PRUNE2: variants seen among roughly 807,000 people sequenced by gnomAD.
PRUNE2 encodes the protein prune homolog 2 with BCH domain.
PRUNE2 carries 164 observed loss-of-function variants against 252.0 expected under a neutral mutation model. That is an observed-to-expected ratio of 0.65 (90% CI 0.57 to 0.74). The LOEUF is 0.74. PRUNE2 is among the 30% of genes least tolerant of loss of function. PRUNE2 has a pLI of 0.00. For missense variants in PRUNE2, 3,495 were observed against 3,711.0 expected (o/e 0.94, Z 1.51); for synonymous variants, 1,292 against 1,350.2 (o/e 0.96, Z 0.94).
chr9:76,685,512 T>C (rs1200969508), intron 9 of PRUNE2, among the ~76,000 whole-genome samples: 1 of 152,122 alleles, frequency 6.6e-6, no homozygotes. Context: ...TTTGCAGAAG[T>C]AATTAAGTGA....
Position 76,831,141 on chromosome 9 carries a change from G to A in PRUNE2, c.509-4409C>T, listed in dbSNP as rs530295685. On this transcript the variant is annotated intron_variant, in intron 4 of 18. Transcript: ENST00000376718. ...AGATGGGGTTTCACCATGTTAGCCA[G>A]CATGGTCTCGATCTCCTGACCTTGT... is the stretch of plus-strand genomic sequence containing the variant. Among the ~76,000 whole-genome samples the A allele has an allele frequency of 1.7e-3, 259 of 152,148 alleles. 1 individual carries two copies. In the Middle Eastern group the frequency reaches 0.031, roughly 18 times the overall value.
chr9:76,693,946 A>C (rs1338176504), intron 9 of PRUNE2, among the ~76,000 whole-genome samples: 1 of 152,234 alleles, frequency 6.6e-6, no homozygotes, highest in Non-Finnish European at 1.5e-5. Flanking sequence ...ACTGGCTGTC[A>C]GAGGTTCAGC....
At chr9:76,791,922 G>T (rs1034040990) in intron 6 of PRUNE2, among the ~76,000 whole-genome samples, 2 of 152,166 alleles carry the variant, frequency 1.3e-5, no homozygotes, top group East Asian at 3.9e-4. Context: ...CCTGAGAAAG[G>T]GCAGGGGCTG....
intron 6 of PRUNE2, among the ~76,000 whole-genome samples, chr9:76,775,515 A>G (rs6560542): frequency 0.55 from 83,030 of 151,698 alleles, 24,318 homozygotes; most frequent in African/African-American, 0.76. Context: ...TGCCCAGGCT[A>G]GTCACAAACT....
At chr9:76,820,069 C>T (rs1037686371) in intron 6 of PRUNE2, among the ~76,000 whole-genome samples, 6 of 152,158 alleles carry the variant, frequency 3.9e-5, no homozygotes, top group Non-Finnish European at 8.8e-5. Flanking sequence ...CCCCACAAGA[C>T]GCATGCTACT....
intron 6 of PRUNE2, among the ~76,000 whole-genome samples, chr9:76,763,271 G>A (rs2051939572): frequency 6.6e-6 from 1 of 152,174 alleles, no homozygotes; most frequent in African/African-American, 2.4e-5. Flanking sequence ...GATCATAGCA[G>A]GACTACTGGT....
At chr9:76,742,253 T>C (rs2049692787) in intron 6 of PRUNE2, among the ~76,000 whole-genome samples, 1 of 152,026 alleles carries the variant, frequency 6.6e-6, no homozygotes. Flanking sequence ...ACTAGGAAAA[T>C]TATCTGCAGT....
intron 9 of PRUNE2, among the ~76,000 whole-genome samples, chr9:76,667,666 T>C (rs946005278): frequency 3.3e-5 from 5 of 152,212 alleles, no homozygotes; most frequent in East Asian, 1.9e-4. Context: ...GGAACACACA[T>C]AGATAAGATA....
chr9:76,792,760 T>G (rs1039695791), intron 6 of PRUNE2, among the ~76,000 whole-genome samples: 1 of 152,260 alleles, frequency 6.6e-6, no homozygotes, highest in African/African-American at 2.4e-5. Context: ...GTAAAGATTC[T>G]TCATAAAGAT....
intron 6 of PRUNE2, chr9:76,759,585 G>C (rs1357435771): frequency 6.6e-6 from 1 of 152,098 alleles, no homozygotes. Flanking sequence ...TGAACTCCAG[G>C]GGAAGATCAT....
rs1372083758 is a variant in PRUNE2, at chr9:76,709,671, T to C, written c.2603A>G (p.Lys868Arg). ...NEAAPEIWGK[K>R]NNDSRDHIFA... ...GATGTGATCCCTGGAGTCATTGTTTTTCTTGCCCCAGATTTCTGGAGCTGC... is the reference window on the plus strand; with the variant it reads ...GATGTGATCCCTGGAGTCATTGTTTCTCTTGCCCCAGATTTCTGGAGCTGC... Residue 868 changes from lysine (K) to arginine (R), a missense_variant, in exon 8 of 19, where the codon AAA becomes AGA. Physicochemically the swap from Lys to Arg is conservative, Grantham distance 26. Coordinates refer to ENST00000376718, the MANE Select transcript of PRUNE2 (RefSeq NM_015225.3). 1 of 1,614,044 alleles carries C rather than the reference T, an allele frequency of 6.2e-7. No homozygotes were observed. The highest frequency in any genetic ancestry group is 8.5e-7 in the Non-Finnish European group (1 of 1,179,900).
At position 76,858,763 on chromosome 9, in the gene PRUNE2, AAAAAAAAAAGAAAG is replaced by A. The variant is rs568060553; in HGVS notation, c.37-4569_37-4556del. On this transcript the variant is annotated intron_variant, in intron 1 of 18. Coordinates refer to ENST00000376718, the MANE Select transcript of PRUNE2 (RefSeq NM_015225.3). ...CCCAGAACTTAAGGTATAATTAAAA[AAAAAAAAAAGAAAG>A]AAAAAAAAAGAAAGTGGCATTTGAG... Among the ~76,000 whole-genome samples the A allele has an allele frequency of 2.6e-4, 40 of 151,968 alleles. 1 individual carries two copies. Among genetic ancestry groups the A allele is most frequent in the Middle Eastern group, 3.4e-3 (1 of 294 alleles).
chr9:76,870,814 A>T lies in PRUNE2; in HGVS notation c.37-16606T>A, dbSNP rs544469948. Among the ~76,000 whole-genome samples, 981 of 152,266 alleles carry T rather than the reference A, an allele frequency of 6.4e-3. 10 individuals are homozygous for T. Among genetic ancestry groups the T allele is most frequent in the African/African-American group, 0.022 (929 of 41,542 alleles). ...TGACATCATCATATCCCCATAACTG[A>T]AGCAAATCCCCATAACTGAAGACAG... On this transcript the variant is annotated intron_variant, in intron 1 of 18. Coordinates refer to ENST00000376718, the MANE Select transcript of PRUNE2 (RefSeq NM_015225.3).
chr9:76,638,697 TAAGA>T (rs1471572291), intron 12 of PRUNE2, among the ~76,000 whole-genome samples: 1 of 152,218 alleles, frequency 6.6e-6, no homozygotes, highest in Non-Finnish European at 1.5e-5. Context: ...TTCTGATGGC[TAAGA>T]AAGAGATTCT....
intron 6 of PRUNE2, among the ~76,000 whole-genome samples, chr9:76,775,162 T>C (rs1216127697): frequency 6.6e-6 from 1 of 152,208 alleles, no homozygotes; most frequent in South Asian, 2.1e-4. Context: ...AAGGACTTTT[T>C]CACTAACCAT....
intron 9 of PRUNE2, among the ~76,000 whole-genome samples, chr9:76,667,499 A>G (rs1286484572): frequency 6.6e-6 from 1 of 151,710 alleles, no homozygotes; most frequent in Non-Finnish European, 1.5e-5. Flanking sequence ...TGCCTGCCCC[A>G]CCCTCCTGCC....
chr9:76,853,224 C>G (rs1395241262), intron 2 of PRUNE2, among the ~76,000 whole-genome samples: 1 of 152,152 alleles, frequency 6.6e-6, no homozygotes, highest in Non-Finnish European at 1.5e-5. Flanking sequence ...GCAGTTCTTG[C>G]CACCCACAGC....
intron 6 of PRUNE2, among the ~76,000 whole-genome samples, chr9:76,800,912 A>G (rs1396710665): frequency 6.6e-6 from 1 of 152,256 alleles, no homozygotes; most frequent in Non-Finnish European, 1.5e-5. Context: ...GTTAAAGCCC[A>G]TGTCCCATAA....
rs1197071513 is a variant in PRUNE2 at position 76,637,531 on chromosome 9, T to G, written c.8850A>C (p.Leu2950Phe). 6.2e-7 allele frequency: 1 copy of G among 1,613,214 alleles called. No homozygotes were observed. Among genetic ancestry groups the G allele is most frequent in the South Asian group, 1.1e-5 (1 of 91,046 alleles). ...ENLFLYVIST[L>F]ELMVAEDYMI... ...TATAGTCTTCAGCTACCATCAACTC[T>G]AAAGTACTTATTACATATCTGATCA... Residue 2950 changes from leucine (L) to phenylalanine (F), a missense_variant, in exon 14 of 19, where the codon TTA (leucine) becomes TTC (phenylalanine). Coordinates refer to ENST00000376718, the MANE Select transcript of PRUNE2 (RefSeq NM_015225.3).
Sources: gnomAD v4.1 joint callset for allele counts (sites outside exome capture counted in the v4.1 genomes callset) on GRCh38, gnomAD v4.1.1 for gene constraint, MANE v1.5 for transcripts, NCBI Gene and HGNC (gene_info 2026-07-23, HGNC 2026-07-21) for gene names.